The following KCNN3 variants were observed in gnomAD, a reference collection of about 807,000 sequenced individuals.
The protein encoded by KCNN3 is small conductance calcium-activated potassium channel protein 3.
In KCNN3, 16 loss-of-function variants were observed where a neutral mutation model predicts 62.9. The ratio of observed to expected loss-of-function variants is 0.25; its 90% CI spans 0.17 to 0.39. KCNN3 has a LOEUF of 0.39. Among genes scored for constraint, KCNN3 ranks in the 10% least tolerant of loss-of-function variants. KCNN3 has a pLI of 1.00. For missense variants in KCNN3, 599 were observed against 949.4 expected (o/e 0.63, Z 4.85); for synonymous variants, 370 against 389.2 (o/e 0.95, Z 0.58).
chr1:154,816,850 C>A (rs980178716), intron 2 of KCNN3, among the ~76,000 whole-genome samples: 2 of 152,214 alleles, frequency 1.3e-5, no homozygotes, highest in Non-Finnish European at 2.9e-5. Flanking sequence ...TCTGCTGCTG[C>A]CTACAGGACA....
chr1:154,706,329 A>G lies in KCNN3; in HGVS notation c.*1647T>C, dbSNP rs1038778396. The G allele has an allele frequency of 1.3e-5, 2 of 152,220 alleles. No individual in the cohort carries two copies. The highest frequency in any genetic ancestry group is 4.8e-5 in the African/African-American group (2 of 41,452). 9.4% of individuals were successfully genotyped at this position (152,220 alleles called of 1,614,324 possible). ...GTCTTCTTACAAAGGTAAACCCAAG[A>G]TGACAACCACAAGCAAAAAAATCAC... On this transcript the variant is annotated 3_prime_UTR_variant, in exon 8 of 8. Coordinates refer to ENST00000271915, the MANE Select transcript of KCNN3 (RefSeq NM_002249.6).
chr1:154,706,602 C>T lies in KCNN3; in HGVS notation c.*1374G>A, dbSNP rs546536950. ...TTTTCGCACCAAGATTAACATGGCA[C>T]AGTAGGAACAGGCTACTGACAAATC... is the stretch of plus-strand genomic sequence containing the variant. On this transcript the variant is annotated 3_prime_UTR_variant, in exon 8 of 8. Coordinates refer to ENST00000271915, the MANE Select transcript of KCNN3 (RefSeq NM_002249.6). 2 of 152,312 alleles carry T rather than the reference C, an allele frequency of 1.3e-5. No homozygotes were observed. Among genetic ancestry groups the T allele is most frequent in the South Asian group, 4.1e-4 (2 of 4,830 alleles). The allele number at this position is 152,312 out of a possible 1,614,324, so 9.4% of individuals were successfully genotyped here.
Position 154,847,213 on chromosome 1 carries a change from T to C in KCNN3, c.933+21819A>G, listed in dbSNP as rs369576019. 2.6e-3 allele frequency among the ~76,000 whole-genome samples: 379 copies of C among 145,916 alleles called. 1 individual carries two copies. Among genetic ancestry groups the C allele is most frequent in the South Asian group, 1.0e-2 (47 of 4,714 alleles). ...TGGAACCCTCCTCACTACCCCCCCC[T>C]GCCCTCGGGGAGCCTGCACATCTCT... On this transcript the variant is annotated intron_variant, in intron 1 of 7. Transcript: ENST00000271915.
intron 2 of KCNN3, among the ~76,000 whole-genome samples, chr1:154,791,794 TGAG>T (rs1649530762): frequency 6.6e-6 from 1 of 152,236 alleles, no homozygotes; most frequent in South Asian, 2.1e-4. Context: ...GTAATCCACT[TGAG>T]GATCTTTTAA....
At chr1:154,747,500 TA>T (rs1700964963) in intron 3 of KCNN3, among the ~76,000 whole-genome samples, 1 of 152,174 alleles carries the variant, frequency 6.6e-6, no homozygotes, top group African/African-American at 2.4e-5. Context: ...GTGAACGATT[TA>T]TTTTTTTTGT....
At chr1:154,810,137 G>C (rs1179544388) in intron 2 of KCNN3, among the ~76,000 whole-genome samples, 1 of 152,180 alleles carries the variant, frequency 6.6e-6, no homozygotes, top group Non-Finnish European at 1.5e-5. Context: ...TGGGTGGAAG[G>C]CTGCTGGCAC....
chr1:154,826,047 A>T, intron 1 of KCNN3, among the ~76,000 whole-genome samples: 1 of 73,256 alleles, frequency 1.4e-5, no homozygotes, highest in Admixed American at 1.5e-4. Context: ...ACTCCATCTT[A>T]AAAAAAAACA....
intron 1 of KCNN3, among the ~76,000 whole-genome samples, chr1:154,839,098 C>A (rs1651719370): frequency 1.3e-5 from 2 of 152,192 alleles, no homozygotes; most frequent in South Asian, 4.1e-4. Context: ...AAGTAACACC[C>A]CCAGTTGTGG....
Position 154,701,661 on chromosome 1 carries a change from C to T in KCNN3, c.*6315G>A, listed in dbSNP as rs1699855169. The T allele has an allele frequency of 6.6e-6, 1 of 152,240 alleles. No individual in the cohort carries two copies. The highest frequency in any genetic ancestry group is 2.4e-5 in the African/African-American group (1 of 41,454). 9.4% of individuals were successfully genotyped at this position (152,240 alleles called of 1,614,324 possible). On this transcript the variant is annotated 3_prime_UTR_variant, in exon 8 of 8. Coordinates refer to ENST00000271915, the MANE Select transcript of KCNN3 (RefSeq NM_002249.6). ...TTTGCTGGCTCTGGCTGTTCATGTC[C>T]TGCCGGCTCCTCCCATCACTCCCTT...
chr1:154,853,450 C>T (rs1335890584), intron 1 of KCNN3, among the ~76,000 whole-genome samples: 1 of 152,192 alleles, frequency 6.6e-6, no homozygotes, highest in East Asian at 1.9e-4. Context: ...ATCCTCCCAC[C>T]TCAGACTCCC....
In KCNN3 at chr1:154,772,545, A is replaced by G; in HGVS notation, c.1030-152T>C. 1.4e-6 allele frequency: 1 copy of G among 734,916 alleles called. No individual in the cohort carries two copies. Among genetic ancestry groups the G allele is most frequent in the East Asian group, 2.7e-5 (1 of 37,164 alleles). 45.5% of individuals were successfully genotyped at this position (734,916 alleles called of 1,614,324 possible). A position where few individuals can be genotyped will look rare whatever the true frequency, so the allele number is the denominator to read the frequency against. ...CTCTTTAGGGGCCTTGCTATGTGGCAAGAGCCCTGTATGTGGAGTAGGGAG... is the reference window on the plus strand; with the variant it reads ...CTCTTTAGGGGCCTTGCTATGTGGCGAGAGCCCTGTATGTGGAGTAGGGAG... On this transcript the variant is annotated intron_variant, in intron 2 of 7. Transcript: ENST00000271915. The surrounding 1 kb of genome is among the most constrained non-coding windows in gnomAD (Gnocchi z 5.6).
At chr1:154,720,986 G>A (rs575304932) in intron 5 of KCNN3, among the ~76,000 whole-genome samples, 14 of 152,336 alleles carry the variant, frequency 9.2e-5, no homozygotes, top group Admixed American at 2.6e-4. Context: ...TAGGCCTGGC[G>A]TCTGGAAGAA....
chr1:154,860,708 C>T (rs1210553211), intron 1 of KCNN3, among the ~76,000 whole-genome samples: 1 of 152,212 alleles, frequency 6.6e-6, no homozygotes, highest in Non-Finnish European at 1.5e-5. Context: ...GGCAGGGACA[C>T]CTGCAGACAG....
In KCNN3 at chr1:154,733,014, T is replaced by C; in HGVS notation, c.1579A>G (p.Thr527Ala). 6.2e-7 allele frequency: 1 copy of C among 1,613,946 alleles called. No individual in the cohort carries two copies. Among genetic ancestry groups the C allele is most frequent in the Non-Finnish European group, 8.5e-7 (1 of 1,179,964 alleles). The change falls in exon 4 of 8, where the codon ACT (threonine) becomes GCT (alanine). Residue 527 changes from threonine (T) to alanine (A), a missense_variant. Around this residue, in one of 7 missense-constraint regions of KCNN3, gnomAD observed 288 missense variants for 557.4 expected, o/e 0.52. Transcript: ENST00000271915. Reference protein sequence around the residue: ...TYCGKGVCLLTGIMGAGCTAL... With the variant: ...TYCGKGVCLLAGIMGAGCTAL... ...AGGCGGGTACTCACCATGATGCCAGTGAGGAGACAGACACCTTTCCCACAG... is the reference window on the plus strand; with the variant it reads ...AGGCGGGTACTCACCATGATGCCAGCGAGGAGACAGACACCTTTCCCACAG...
chr1:154,813,572 C>T (rs74115884), intron 2 of KCNN3, among the ~76,000 whole-genome samples: 199 of 152,198 alleles, frequency 1.3e-3, no homozygotes, highest in Admixed American at 3.2e-3. Flanking sequence ...CTCCCCACCC[C>T]GTCCTGAACT....
chr1:154,761,981 A>G (rs1457337889), intron 3 of KCNN3, among the ~76,000 whole-genome samples: 1 of 150,196 alleles, frequency 6.7e-6, no homozygotes. Flanking sequence ...ACAAACAAAC[A>G]AAAACGAAAA....
intron 3 of KCNN3, among the ~76,000 whole-genome samples, chr1:154,757,899 G>A (rs74847129): frequency 0.062 from 9,408 of 152,228 alleles, 326 homozygotes; most frequent in Non-Finnish European, 0.088. Flanking sequence ...GGTACTCACC[G>A]TGTGCTAAAT....
intron 1 of KCNN3, among the ~76,000 whole-genome samples, chr1:154,850,774 A>T (rs1360555028): frequency 6.6e-6 from 1 of 152,158 alleles, no homozygotes; most frequent in Non-Finnish European, 1.5e-5. Context: ...CATTTCAGTA[A>T]GTTTCCATAA....
chr1:154,714,405 TTG>T (rs747466549), intron 6 of KCNN3, among the ~76,000 whole-genome samples: 8 of 74,416 alleles, frequency 1.1e-4, no homozygotes, highest in African/African-American at 4.2e-4. Flanking sequence ...TGTGTGGTGT[TTG>T]TGTGTGGTGT....
Sources: gnomAD v4.1 joint callset for allele counts (sites outside exome capture counted in the v4.1 genomes callset) on GRCh38, gnomAD v4.1.1 for gene constraint, gnomAD v4.1.1 regional missense constraint, Gnocchi (gnomAD v3.1) non-coding constraint, MANE v1.5 for transcripts, NCBI Gene and HGNC (gene_info 2026-07-23, HGNC 2026-07-21) for gene names.